Variants in NRXN1 observed in about 807,000 individuals in gnomAD.
NRXN1 encodes neurexin-1.
Under a neutral mutation model 150.9 loss-of-function variants are expected in NRXN1, and 39 were observed. The observed-to-expected ratio is 0.26, with a 90% confidence interval of 0.20 to 0.34. The LOEUF (loss-of-function observed/expected upper bound fraction) is 0.34. NRXN1 is among the 10% of genes least tolerant of loss of function. The pLI, the probability that NRXN1 is intolerant of heterozygous loss-of-function variation, is 1.00. For synonymous variants in NRXN1, 924 were observed against 757.0 expected, an observed-to-expected ratio of 1.22 and a Z score of -3.62; for missense variants, 1,815 against 1,949.9, an observed-to-expected ratio of 0.93 and a Z score of 1.30.
intron 19 of NRXN1, among the ~76,000 whole-genome samples, chr2:50,071,009 TA>T (rs1298700289): frequency 6.6e-6 from 1 of 152,198 alleles, no homozygotes. Context: ...GAAGACAAGA[TA>T]AAAACTACAA....
chr2:50,449,944 T>A (rs114654699), intron 17 of NRXN1, among the ~76,000 whole-genome samples: 1,672 of 152,306 alleles, frequency 0.011, 34 homozygotes, highest in African/African-American at 0.038. Context: ...CTCTCAGATA[T>A]GTTAATCAAC....
In NRXN1 at chr2:49,922,069, C is replaced by G. The variant is rs200761308; in HGVS notation, c.4399G>C (p.Glu1467Gln). The change falls in exon 23 of 23, where the codon GAG becomes CAG. Residue 1467 changes from glutamate to glutamine, a missense_variant. Glu to Gln is a conservative substitution (Grantham distance 29). This residue lies in a region of NRXN1 where 265 missense variants were observed against 307.1 expected (regional missense o/e 0.86). Transcript: ENST00000401669. ...GAGTTACTGATGTAGTTTCGACTCTCGTCCACATGGTATGAGCCTTCATCC... is the reference window on the plus strand; with the variant it reads ...GAGTTACTGATGTAGTTTCGACTCTGGTCCACATGGTATGAGCCTTCATCC... ...NRDEGSYHVD[E>Q]SRNYISNSAQ... The G allele has an allele frequency of 1.2e-6, 2 of 1,614,098 alleles. No individual in the cohort carries two copies. The highest frequency in any genetic ancestry group is 1.1e-5 in the South Asian group (1 of 91,070).
At chr2:50,498,649 A>G (rs1268999223) in intron 13 of NRXN1, among the ~76,000 whole-genome samples, 3 of 152,166 alleles carry the variant, frequency 2.0e-5, no homozygotes, top group Admixed American at 2.0e-4. Context: ...CTCCAGAGTG[A>G]TCATTTTACC....
At chr2:50,919,818 G>A (rs1685737409) in intron 5 of NRXN1, 1 of 163,384 alleles carries the variant, frequency 6.1e-6, no homozygotes, top group Admixed American at 6.5e-5. Context: ...GACAGACTTG[G>A]ATTGATGTTA....
intron 5 of NRXN1, among the ~76,000 whole-genome samples, chr2:50,825,368 G>A (rs1670305789): frequency 6.6e-6 from 1 of 152,202 alleles, no homozygotes; most frequent in Non-Finnish European, 1.5e-5. Context: ...CAGTCACCAA[G>A]ACCAAGACAG....
rs184222831 is a variant in NRXN1, at chr2:50,307,623, T to C, written c.3365-70653A>G. On this transcript the variant is annotated intron_variant, in intron 17 of 22. Transcript: ENST00000401669. ...CTAAACAATTTTATTTTTCCTTATA[T>C]TAATAATTAGTGATCAGGTCGAATA... Among the ~76,000 whole-genome samples the C allele has an allele frequency of 1.4e-3, 215 of 152,294 alleles. 2 individuals are homozygous for C. The highest frequency in any genetic ancestry group is 3.4e-3 in the Middle Eastern group (1 of 294).
At chr2:50,836,423 T>A (rs139522053) in intron 5 of NRXN1, among the ~76,000 whole-genome samples, 6,035 of 152,186 alleles carry the variant, frequency 0.04, 151 homozygotes, top group Admixed American at 0.066. Flanking sequence ...CTAAAGCTTA[T>A]TTCTTCTATC....
At chr2:51,016,814 T>C (rs1016499877) in intron 2 of NRXN1, among the ~76,000 whole-genome samples, 3 of 152,136 alleles carry the variant, frequency 2.0e-5, no homozygotes, top group Admixed American at 6.5e-5. Flanking sequence ...TATATGTTTA[T>C]TGCAGCACTA....
At chr2:50,752,051 G>A (rs1284691748) in intron 5 of NRXN1, among the ~76,000 whole-genome samples, 1 of 151,976 alleles carries the variant, frequency 6.6e-6, no homozygotes, top group African/African-American at 2.4e-5. Flanking sequence ...ATGTATTAAG[G>A]TGTTATTTCA....
chr2:51,024,409 G>T (rs974457639), intron 2 of NRXN1, among the ~76,000 whole-genome samples: 1 of 151,720 alleles, frequency 6.6e-6, no homozygotes, highest in Non-Finnish European at 1.5e-5. Flanking sequence ...ATCTCAACCC[G>T]AATGAACTGG....
chr2:50,805,598 C>T (rs1172991749), intron 5 of NRXN1, among the ~76,000 whole-genome samples: 1 of 152,006 alleles, frequency 6.6e-6, no homozygotes, highest in Admixed American at 6.6e-5. Flanking sequence ...CAAGATCACG[C>T]CACCACACTC....
chr2:50,675,083 C>A (rs1311656633), intron 5 of NRXN1, among the ~76,000 whole-genome samples: 1 of 151,948 alleles, frequency 6.6e-6, no homozygotes, highest in Non-Finnish European at 1.5e-5. Flanking sequence ...ACACTGGCTC[C>A]CCCTGCCTTC....
intron 17 of NRXN1, among the ~76,000 whole-genome samples, chr2:50,255,433 A>C (rs2678216): frequency 0.43 from 65,740 of 152,018 alleles, 14,473 homozygotes; most frequent in Middle Eastern, 0.47. Context: ...CAAATCAGAC[A>C]TGGGGCAGGT....
chr2:50,460,895 T>C (rs888347225), intron 17 of NRXN1, among the ~76,000 whole-genome samples: 5 of 152,018 alleles, frequency 3.3e-5, no homozygotes, highest in Admixed American at 2.6e-4. Context: ...TATCTGGTTG[T>C]GGACATAGCT....
chr2:50,539,878 T>G (rs1197368461), intron 9 of NRXN1, among the ~76,000 whole-genome samples: 1 of 151,954 alleles, frequency 6.6e-6, no homozygotes, highest in African/African-American at 2.4e-5. Context: ...AAGTGGAGGG[T>G]AGGTCAGGTG....
chr2:50,829,899 G>A (rs1671146726), intron 5 of NRXN1, among the ~76,000 whole-genome samples: 2 of 148,110 alleles, frequency 1.4e-5, no homozygotes, highest in South Asian at 4.2e-4. Context: ...TGTGCTCTGT[G>A]TGTCTTCTCA....
At chr2:50,575,189 G>C (rs538855203) in intron 8 of NRXN1, among the ~76,000 whole-genome samples, 1 of 152,280 alleles carries the variant, frequency 6.6e-6, no homozygotes, top group South Asian at 2.1e-4. Flanking sequence ...TTGGTATTCA[G>C]TGCCTTTTCC....
At chr2:50,545,751 T>C (rs1238189456) in intron 9 of NRXN1, among the ~76,000 whole-genome samples, 1 of 152,166 alleles carries the variant, frequency 6.6e-6, no homozygotes. Context: ...TGAATACTCA[T>C]ATGCATTCCT....
intron 17 of NRXN1, among the ~76,000 whole-genome samples, chr2:50,422,280 A>G (rs2084058587): frequency 6.6e-6 from 1 of 152,154 alleles, no homozygotes; most frequent in Admixed American, 6.6e-5. Context: ...ATTTCCTCTA[A>G]AACACCAGTT....
Sources: allele counts gnomAD v4.1 joint callset (sites outside exome capture counted in the v4.1 genomes callset), GRCh38; gene constraint gnomAD v4.1.1; regional missense constraint gnomAD v4.1.1; transcripts MANE v1.5; gene names NCBI Gene and HGNC (gene_info 2026-07-23, HGNC 2026-07-21).